MNS1: variants seen among roughly 807,000 people sequenced by gnomAD.
MNS1 encodes the protein meiosis-specific nuclear structural protein 1.
A neutral mutation model predicts 72.0 loss-of-function variants in MNS1; 63 were observed. The ratio of observed to expected loss-of-function variants is 0.87; its 90% CI spans 0.71 to 1.08. The LOEUF is 1.08. Ranked by LOEUF, MNS1 falls within the 50% of genes least tolerant of loss-of-function variation. MNS1 has a pLI of 0.00. For synonymous variants in MNS1, 188 were observed against 172.1 expected, an observed-to-expected ratio of 1.09 and a Z score of -0.72; for missense variants, 604 against 562.4, an observed-to-expected ratio of 1.07 and a Z score of -0.75.
At chr15:56,443,884 A>G in intron 5 of MNS1, 30 bp from the exon 6 acceptor site, 1 of 1,449,494 alleles carries the variant, frequency 6.9e-7, no homozygotes, top group Non-Finnish European at 9.3e-7. Flanking sequence ...ACAGATTTAT[A>G]GTAAACAATA....
At chr15:56,460,837 A>G (rs1269160190) in intron 2 of MNS1, among the ~76,000 whole-genome samples, 3 of 152,172 alleles carry the variant, frequency 2.0e-5, no homozygotes, top group South Asian at 2.1e-4. Flanking sequence ...GACAAAAAAT[A>G]TAAGAGAGAA....
rs2050862160 is a variant in MNS1, at chr15:56,443,854, C to T, written c.687G>A (p.Leu229=). 6.3e-7 allele frequency: 1 copy of T among 1,590,804 alleles called. No homozygotes were observed. Among genetic ancestry groups the T allele is most frequent in the Non-Finnish European group, 8.5e-7 (1 of 1,170,804 alleles). Residue 229 remains leucine (L), a splice_region_variant and synonymous_variant, in exon 6 of 10, where the codon TTG becomes TTA. Coordinates refer to ENST00000260453, the MANE Select transcript of MNS1 (RefSeq NM_018365.4). Reference sequence around the variant, plus strand: ...TTTTTTCTAACTTTTGTTGTTTTTCCCTGAAAAGCAATAACAAGTACAGAT... The same window carrying T: ...TTTTTTCTAACTTTTGTTGTTTTTCTCTGAAAAGCAATAACAAGTACAGAT... ...IVRKIYEEDQ[L]EKQQKLEKMN...
rs2051050337 is a variant in MNS1 at position 56,465,032 on chromosome 15, C to CGCAGCAGCCA, written c.-70_-61dup. The CGCAGCAGCCA allele has an allele frequency of 1.9e-6, 3 of 1,594,626 alleles. No individual in the cohort carries two copies. The highest frequency in any genetic ancestry group is 2.6e-6 in the Non-Finnish European group (3 of 1,172,272). Reference sequence around the variant, plus strand: ...CGCGGCCACCACCTCCCGCCGCAAACGCAGCAGCCAGCAGCCCCAAGGAGC... The same window carrying CGCAGCAGCCA: ...CGCGGCCACCACCTCCCGCCGCAAACGCAGCAGCCAGCAGCAGCCAGCAGCCCCAAGGAGC... On this transcript the variant is annotated 5_prime_UTR_variant, in exon 1 of 10. Coordinates refer to ENST00000260453, the MANE Select transcript of MNS1 (RefSeq NM_018365.4).
chr15:56,441,839 C>G (rs1423763302), intron 7 of MNS1, among the ~76,000 whole-genome samples: 1 of 151,834 alleles, frequency 6.6e-6, no homozygotes, highest in African/African-American at 2.4e-5. Context: ...ACGGTGAAAC[C>G]CCATCTCTAC....
At chr15:56,464,684 TTATC>T (rs1438664931) in intron 1 of MNS1, among the ~76,000 whole-genome samples, 1 of 152,164 alleles carries the variant, frequency 6.6e-6, no homozygotes, top group Non-Finnish European at 1.5e-5. Context: ...TCGCCGCTAT[TTATC>T]AATTCGCTTT....
chr15:56,446,963 C>T lies in MNS1; in HGVS notation c.354-20G>A. ...TCAATGCTGTTTAAAAAAACAAAAA[C>T]AAATTTAAATGTTAGGACCATAAGA... On this transcript the variant is annotated intron_variant, in intron 3 of 9. Transcript: ENST00000260453. 1 of 1,551,224 alleles carries T rather than the reference C, an allele frequency of 6.4e-7. No individual in the cohort carries two copies. The highest frequency in any genetic ancestry group is 8.8e-7 in the Non-Finnish European group (1 of 1,132,568).
intron 2 of MNS1, among the ~76,000 whole-genome samples, chr15:56,458,642 T>TA (rs2050996449): frequency 6.6e-6 from 1 of 152,200 alleles, no homozygotes; most frequent in South Asian, 2.1e-4. Context: ...AAAAACAACT[T>TA]ACATTTTTAC....
chr15:56,458,030 A>G (rs1157860992), intron 2 of MNS1, among the ~76,000 whole-genome samples: 1 of 152,176 alleles, frequency 6.6e-6, no homozygotes, highest in Non-Finnish European at 1.5e-5. Flanking sequence ...ATGGGATACT[A>G]CTCAGCAATA....
At chr15:56,436,361 A>G (rs1248069041) in intron 7 of MNS1, among the ~76,000 whole-genome samples, 7 of 152,124 alleles carry the variant, frequency 4.6e-5, no homozygotes, top group African/African-American at 9.7e-5. Context: ...TGACTACTGG[A>G]TGCATAACGA....
At chr15:56,452,715 T>C (rs1433308419) in intron 3 of MNS1, among the ~76,000 whole-genome samples, 2 of 152,014 alleles carry the variant, frequency 1.3e-5, no homozygotes, top group African/African-American at 4.8e-5. Flanking sequence ...AGACGCGGTT[T>C]CACCGTGTTA....
intron 3 of MNS1, among the ~76,000 whole-genome samples, chr15:56,449,918 T>C (rs1242886784): frequency 6.6e-6 from 1 of 152,208 alleles, no homozygotes; most frequent in Non-Finnish European, 1.5e-5. Context: ...TTCCAAAAAC[T>C]GGTTATTTGT....
Position 56,465,078 on chromosome 15 carries a change from G to A in MNS1, c.-106C>T. 7.4e-6 allele frequency: 11 copies of A among 1,486,076 alleles called. No individual in the cohort carries two copies. Among genetic ancestry groups the A allele is most frequent in the Non-Finnish European group, 8.2e-6 (9 of 1,095,144 alleles). 92.1% of individuals were successfully genotyped at this position (1,486,076 alleles called of 1,614,324 possible). On this transcript the variant is annotated 5_prime_UTR_variant, in exon 1 of 10. Transcript: ENST00000260453. ...GGAGCGCACCTGGCTGCGCGCGCTC[G>A]GGTGTTTACGCGGCGTCTTGGCAAC... is the stretch of plus-strand genomic sequence containing the variant.
intron 7 of MNS1, among the ~76,000 whole-genome samples, chr15:56,439,101 T>A (rs1310232797): frequency 6.6e-6 from 1 of 152,080 alleles, no homozygotes; most frequent in South Asian, 2.1e-4. Context: ...GGTTGTGAGA[T>A]ACAAGATAAA....
chr15:56,433,908 C>G (rs1175690071), intron 8 of MNS1, among the ~76,000 whole-genome samples: 1 of 151,944 alleles, frequency 6.6e-6, no homozygotes, highest in South Asian at 2.1e-4. Flanking sequence ...GTGACATGGA[C>G]TTAGTTTTAT....
In MNS1 at chr15:56,430,915, C is replaced by CT. The variant is rs535632228; in HGVS notation, c.1395+457dup. Among the ~76,000 whole-genome samples, 39 of 152,292 alleles carry CT rather than the reference C, an allele frequency of 2.6e-4. No individual in the cohort carries two copies. In the East Asian group the frequency reaches 6.2e-3, roughly 24 times the overall value. ...GCCAGGTGTGGTGGCCCACCCAGCA[C>CT]TTGGGGAGGCTGAGGCAGATGGATC... On this transcript the variant is annotated intron_variant, in intron 9 of 9. Coordinates refer to ENST00000260453, the MANE Select transcript of MNS1 (RefSeq NM_018365.4).
Position 56,455,539 on chromosome 15 carries a change from G to A in MNS1, c.353+855C>T, listed in dbSNP as rs148437298. On this transcript the variant is annotated intron_variant, in intron 3 of 9. Coordinates refer to ENST00000260453, the MANE Select transcript of MNS1 (RefSeq NM_018365.4). The stretch of plus-strand genomic sequence containing the variant: ...ACGTCCTGCTCAATTAAGATAAAAT[G>A]TAACAACTATCGAAGTAAATTTCCA... Among the ~76,000 whole-genome samples the A allele has an allele frequency of 4.0e-3, 611 of 152,256 alleles. 18 individuals are homozygous for A. Among genetic ancestry groups the A allele is most frequent in the Admixed American group, 0.037 (567 of 15,282 alleles).
chr15:56,442,546 T>C (rs2050835067), intron 7 of MNS1, among the ~76,000 whole-genome samples: 1 of 152,180 alleles, frequency 6.6e-6, no homozygotes, highest in African/African-American at 2.4e-5. Context: ...CACCACGGAA[T>C]ACTACACAGC....
At chr15:56,449,256 G>A (rs961674147) in intron 3 of MNS1, among the ~76,000 whole-genome samples, 1 of 150,150 alleles carries the variant, frequency 6.7e-6, no homozygotes, top group Non-Finnish European at 1.5e-5. Context: ...GAGGGGAAGT[G>A]TTTAACATTT....
chr15:56,431,264 A>T, intron 9 of MNS1, 109 bp downstream of exon 9: 1 of 1,306,618 alleles, frequency 7.7e-7, no homozygotes, highest in Non-Finnish European at 1.1e-6. Context: ...TTGCTGCTTC[A>T]TAACCGAGCA....
Sources: allele counts gnomAD v4.1 joint callset (sites outside exome capture counted in the v4.1 genomes callset), GRCh38; gene constraint gnomAD v4.1.1; transcripts MANE v1.5; gene names NCBI Gene and HGNC (gene_info 2026-07-23, HGNC 2026-07-21).